PLCE1: variants seen among roughly 807,000 people sequenced by gnomAD.
PLCE1 encodes 1-phosphatidylinositol 4,5-bisphosphate phosphodiesterase epsilon-1.
Under a neutral mutation model 242.8 loss-of-function variants are expected in PLCE1, and 119 were observed. The ratio of observed to expected loss-of-function variants is 0.49; its 90% confidence interval spans 0.42 to 0.57. The LOEUF is 0.57. PLCE1 is among the 20% of genes least tolerant of loss of function. The pLI, the probability that PLCE1 is intolerant of heterozygous loss-of-function variation, is 0.00. For missense variants in PLCE1, 2,441 were observed against 2,788.8 expected, an observed-to-expected ratio of 0.88 and a Z score of 2.81; for synonymous variants, 945 against 1,017.4, an observed-to-expected ratio of 0.93 and a Z score of 1.35.
At chr10:94,251,811 G>T (rs1212752439) in intron 8 of PLCE1, among the ~76,000 whole-genome samples, 1 of 152,098 alleles carries the variant, frequency 6.6e-6, no homozygotes, top group Non-Finnish European at 1.5e-5. Context: ...GGAGCTCCCT[G>T]GGGCCCTTCA....
At chr10:94,226,372 C>A (rs913732046) in intron 4 of PLCE1, among the ~76,000 whole-genome samples, 5 of 152,162 alleles carry the variant, frequency 3.3e-5, no homozygotes, top group African/African-American at 1.2e-4. Flanking sequence ...GGCTTTGCTA[C>A]CTTCAACGTG....
rs1250744386 is a variant in PLCE1 at position 94,273,634 on chromosome 10, TCA to T, written c.4581_4582del (p.Pro1528Ter). The part of the protein sequence containing the change: ...TDFSDDPMLP[S>X]PDQLRKKVLL... The stretch of plus-strand genomic sequence containing the variant: ...TTTCTCAGATGATCCAATGCTTCCT[TCA>T]CCTGACCAACTCAGAAAGAAAGTTC... On this transcript the variant is annotated frameshift_variant, in exon 19 of 33. Transcript: ENST00000371380. LOFTEE classifies it high-confidence loss of function. 3 of 1,613,506 alleles carry T rather than the reference TCA, an allele frequency of 1.9e-6. No individual in the cohort carries two copies. The African/African-American group carries it at 4.0e-5, about 22-fold the overall frequency.
chr10:94,056,586 G>T (rs766427238), intron 2 of PLCE1, among the ~76,000 whole-genome samples: 1 of 151,856 alleles, frequency 6.6e-6, no homozygotes, highest in African/African-American at 2.4e-5. Flanking sequence ...CACAAAATTT[G>T]AGTCTTACCA....
intron 4 of PLCE1, among the ~76,000 whole-genome samples, chr10:94,189,526 C>T (rs934051668): frequency 6.6e-6 from 1 of 152,010 alleles, no homozygotes; most frequent in Non-Finnish European, 1.5e-5. Flanking sequence ...AAGTGAGAGA[C>T]CCAGCTTGCT....
intron 1 of PLCE1, among the ~76,000 whole-genome samples, chr10:94,016,929 C>A (rs752543096): frequency 6.6e-6 from 1 of 151,990 alleles, no homozygotes; most frequent in Non-Finnish European, 1.5e-5. Context: ...GAAATGATGA[C>A]GTAATGATAT....
At chr10:94,250,230 G>A (rs1399023632) in intron 8 of PLCE1, among the ~76,000 whole-genome samples, 2 of 151,818 alleles carry the variant, frequency 1.3e-5, no homozygotes, top group African/African-American at 2.4e-5. Context: ...GGCCAGGTGC[G>A]GTGGCTCAGA....
chr10:94,191,080 T>C (rs2048648034), intron 4 of PLCE1, among the ~76,000 whole-genome samples: 1 of 152,112 alleles, frequency 6.6e-6, no homozygotes, highest in Non-Finnish European at 1.5e-5. Context: ...GGCCCCAGCC[T>C]CATAGGGTGA....
intron 2 of PLCE1, among the ~76,000 whole-genome samples, chr10:94,126,866 C>T (rs937998940): frequency 6.6e-6 from 1 of 152,122 alleles, no homozygotes; most frequent in Non-Finnish European, 1.5e-5. Context: ...GCATTGTAAA[C>T]ATCACCTAAA....
intron 1 of PLCE1, among the ~76,000 whole-genome samples, chr10:94,005,355 C>T (rs1323762659): frequency 1.3e-5 from 2 of 152,180 alleles, no homozygotes; most frequent in Non-Finnish European, 1.5e-5. Flanking sequence ...AAATGCTCTA[C>T]TATTGATTTA....
At chr10:94,019,901 T>C (rs543483147) in intron 1 of PLCE1, among the ~76,000 whole-genome samples, 1 of 152,324 alleles carries the variant, frequency 6.6e-6, no homozygotes, top group Admixed American at 6.5e-5. Flanking sequence ...CTACAAGTTA[T>C]TTATTTGTCT....
In PLCE1 at chr10:94,298,835, C is replaced by T. The variant is rs933794412; in HGVS notation, c.5458+166C>T. ...AAGTGAATTTGATACTGAATTGTGC[C>T]TCCGATGTTTCAGATTAAGGTGATA... On this transcript the variant is annotated intron_variant, in intron 24 of 32. Coordinates refer to ENST00000371380, the MANE Select transcript of PLCE1 (RefSeq NM_016341.4). This position sits in a 1 kb window ranked among gnomAD's most constrained non-coding sequence, Gnocchi z 5.2. 5.3e-5 allele frequency among the ~76,000 whole-genome samples: 8 copies of T among 152,166 alleles called. No homozygotes were observed. The highest frequency in any genetic ancestry group is 1.2e-4 in the African/African-American group (5 of 41,420).
chr10:94,114,397 G>A (rs575162832), intron 2 of PLCE1, among the ~76,000 whole-genome samples: 1 of 152,306 alleles, frequency 6.6e-6, no homozygotes, highest in Admixed American at 6.5e-5. Flanking sequence ...AGGATCTCAG[G>A]CTAACAGTCT....
At position 94,259,109 on chromosome 10, in the gene PLCE1, T is replaced by C. The variant is rs2051203902; in HGVS notation, c.3773T>C (p.Leu1258Pro). Residue 1258 changes from leucine to proline, a missense_variant, in exon 13 of 33, where the codon CTG becomes CCG. Around this residue, in one of 5 missense-constraint regions of PLCE1, gnomAD observed 1,004 missense variants for 1,322.7 expected, o/e 0.76. Coordinates refer to ENST00000371380, the MANE Select transcript of PLCE1 (RefSeq NM_016341.4). ...GSESAPLYTN[L>P]TIDENTSDLQ... is the part of the protein sequence containing the mutation. ...GAGTCAGCCCCACTCTACACCAACC[T>C]GACAATTGATGAAAACACCAGCGAT... is the stretch of plus-strand genomic sequence containing the variant. The C allele has an allele frequency of 6.2e-7, 1 of 1,614,042 alleles. No individual in the cohort carries two copies. The highest frequency in any genetic ancestry group is 1.1e-5 in the South Asian group (1 of 91,076).
At chr10:94,226,295 C>A (rs566609666) in intron 4 of PLCE1, among the ~76,000 whole-genome samples, 53 of 152,266 alleles carry the variant, frequency 3.5e-4, no homozygotes, top group Middle Eastern at 6.8e-3. Context: ...TTTGTGTAAA[C>A]ACATCAGGCA....
At chr10:94,206,539 T>G (rs2049162044) in intron 4 of PLCE1, among the ~76,000 whole-genome samples, 1 of 152,386 alleles carries the variant, frequency 6.6e-6, no homozygotes. Flanking sequence ...TCTTTTCCAT[T>G]GCTCTATCTT....
chr10:94,165,393 A>G (rs917133128), intron 3 of PLCE1, among the ~76,000 whole-genome samples: 9 of 152,138 alleles, frequency 5.9e-5, no homozygotes, highest in Non-Finnish European at 8.8e-5. Context: ...TGTGCTAGCA[A>G]TGAGCGAGGC....
intron 22 of PLCE1, among the ~76,000 whole-genome samples, chr10:94,289,242 T>G (rs550318953): frequency 1.3e-5 from 2 of 152,082 alleles, no homozygotes; most frequent in Admixed American, 6.5e-5. Flanking sequence ...GATGAGGCCC[T>G]GCAGAGCATG....
chr10:94,219,578 T>C (rs1436247635), intron 4 of PLCE1, among the ~76,000 whole-genome samples: 1 of 152,192 alleles, frequency 6.6e-6, no homozygotes, highest in Non-Finnish European at 1.5e-5. Context: ...TGACAATCTT[T>C]GAACAAATCA....
At chr10:94,305,261 T>G (rs972493547) in intron 25 of PLCE1, among the ~76,000 whole-genome samples, 11 of 152,000 alleles carry the variant, frequency 7.2e-5, no homozygotes, top group Admixed American at 2.0e-4. Flanking sequence ...AAAACCCTGT[T>G]TCTACAAAAA....
Sources: gnomAD v4.1 joint callset for allele counts (sites outside exome capture counted in the v4.1 genomes callset) on GRCh38, gnomAD v4.1.1 for gene constraint, gnomAD v4.1.1 regional missense constraint, Gnocchi (gnomAD v3.1) non-coding constraint, MANE v1.5 for transcripts, NCBI Gene and HGNC (gene_info 2026-07-23, HGNC 2026-07-21) for gene names.